The following NEIL3 variants were observed in gnomAD, a reference collection of about 807,000 sequenced individuals.
The protein encoded by NEIL3 is endonuclease 8-like 3.
Under a neutral mutation model 57.5 loss-of-function variants are expected in NEIL3, and 48 were observed. The observed-to-expected ratio is 0.83, with a 90% CI of 0.66 to 1.06. The LOEUF (loss-of-function observed/expected upper bound fraction) is 1.06, where lower values mean the gene tolerates loss of function less well. Ranked by LOEUF, NEIL3 falls within the 50% of genes least tolerant of loss-of-function variation. The pLI is 0.00. For missense variants in NEIL3, 717 were observed against 739.1 expected (o/e 0.97, Z 0.35); for synonymous variants, 261 against 253.2 (o/e 1.03, Z -0.29).
intron 8 of NEIL3, among the ~76,000 whole-genome samples, chr4:177,355,163 G>A (rs914094134): frequency 5.3e-5 from 8 of 152,098 alleles, no homozygotes; most frequent in African/African-American, 7.2e-5. Context: ...TCAGAAAGCA[G>A]CTGACTTACA....
chr4:177,363,285 A>G (rs1027016537), downstream of NEIL3, among the ~76,000 whole-genome samples: 1 of 152,232 alleles, frequency 6.6e-6, no homozygotes, highest in Non-Finnish European at 1.5e-5. Flanking sequence ...AAAGGACAGC[A>G]CAAAGGTGGC....
intron 1 of NEIL3, among the ~76,000 whole-genome samples, chr4:177,314,904 C>G (rs1560906402): frequency 6.8e-6 from 1 of 147,438 alleles, no homozygotes; most frequent in African/African-American, 2.6e-5. Context: ...AGTGAAACCC[C>G]GTATCTACTA....
At chr4:177,335,101 T>G (rs916006625) in intron 2 of NEIL3, among the ~76,000 whole-genome samples, 1 of 152,176 alleles carries the variant, frequency 6.6e-6, no homozygotes, top group African/African-American at 2.4e-5. Context: ...TCTTTTTTTT[T>G]GATACGTAAG....
chr4:177,329,901 C>T (rs989392538), intron 2 of NEIL3, among the ~76,000 whole-genome samples: 5 of 152,014 alleles, frequency 3.3e-5, no homozygotes, highest in African/African-American at 9.7e-5. Context: ...ATTGAGATAC[C>T]TAGAAAAATC....
chr4:177,335,112 A>AT lies in NEIL3; in HGVS notation c.279-572dup, dbSNP rs373874269. Among the ~76,000 whole-genome samples the AT allele has an allele frequency of 2.0e-3, 307 of 152,282 alleles. 1 individual carries two copies. Among genetic ancestry groups the AT allele is most frequent in the African/African-American group, 6.8e-3 (284 of 41,568 alleles). On this transcript the variant is annotated intron_variant, in intron 2 of 9. Transcript: ENST00000264596. ...TCTCTCTTTTTTTTTGATACGTAAG[A>AT]TTTTGCAAAAATAAAAAAAATTGTT...
At chr4:177,311,971 C>T (rs941204931) in intron 1 of NEIL3, among the ~76,000 whole-genome samples, 6 of 152,150 alleles carry the variant, frequency 3.9e-5, no homozygotes, top group African/African-American at 1.4e-4. Context: ...TTTATGCTAG[C>T]TCCTGCGGAT....
chr4:177,334,727 C>T (rs1271040535), intron 2 of NEIL3, among the ~76,000 whole-genome samples: 1 of 152,138 alleles, frequency 6.6e-6, no homozygotes, highest in Non-Finnish European at 1.5e-5. Flanking sequence ...GACTGGTTAA[C>T]CTTGTACAAT....
At chr4:177,370,133 T>C in the NEIL3 span, among the ~76,000 whole-genome samples, 6 of 152,180 alleles carry the variant, frequency 3.9e-5, no homozygotes, top group Admixed American at 3.9e-4. Flanking sequence ...GTGAGTATTA[T>C]GGTTCCAATG....
At chr4:177,351,593 G>T (rs764292747) in intron 7 of NEIL3, 44 bp downstream of exon 7, 1 of 1,462,024 alleles carries the variant, frequency 6.8e-7, no homozygotes, top group South Asian at 1.2e-5. Context: ...TTTCTAAGAG[G>T]GTTAATTATA....
intron 1 of NEIL3, among the ~76,000 whole-genome samples, chr4:177,319,797 TA>T: frequency 6.6e-6 from 1 of 152,194 alleles, no homozygotes; most frequent in South Asian, 2.1e-4. Flanking sequence ...TGTGTGTGTG[TA>T]AAATGGGATA....
chr4:177,324,024 T>A (rs1405181011), intron 2 of NEIL3, among the ~76,000 whole-genome samples: 1 of 152,180 alleles, frequency 6.6e-6, no homozygotes, highest in Non-Finnish European at 1.5e-5. Flanking sequence ...ATGTAACAAT[T>A]CAAGGTCAAT....
At chr4:177,359,316 C>T (rs1270289492) in intron 8 of NEIL3, among the ~76,000 whole-genome samples, 1 of 152,178 alleles carries the variant, frequency 6.6e-6, no homozygotes, top group Non-Finnish European at 1.5e-5. Context: ...AAAAACTGCC[C>T]TCAGAATGTT....
intron 2 of NEIL3, among the ~76,000 whole-genome samples, chr4:177,323,592 A>G (rs1208398858): frequency 6.6e-6 from 1 of 152,182 alleles, no homozygotes; most frequent in Non-Finnish European, 1.5e-5. Context: ...TCTGGAATTG[A>G]TAACATCAGC....
At chr4:177,350,861 T>G (rs749769855) in intron 6 of NEIL3, among the ~76,000 whole-genome samples, 1 of 152,038 alleles carries the variant, frequency 6.6e-6, no homozygotes, top group African/African-American at 2.4e-5. Context: ...TAACTTTTAT[T>G]TGATGTTTCT....
intron 1 of NEIL3, among the ~76,000 whole-genome samples, chr4:177,316,490 A>C (rs1734576988): frequency 6.6e-6 from 1 of 152,150 alleles, no homozygotes; most frequent in African/African-American, 2.4e-5. Flanking sequence ...GCAGGTAATT[A>C]GAAAATAAGA....
chr4:177,325,369 G>T (rs1734762901), intron 2 of NEIL3, among the ~76,000 whole-genome samples: 1 of 152,064 alleles, frequency 6.6e-6, no homozygotes, highest in African/African-American at 2.4e-5. Flanking sequence ...ACTGTTTGAA[G>T]TATCAGTGGT....
At chr4:177,327,608 T>G (rs1734807608) in intron 2 of NEIL3, among the ~76,000 whole-genome samples, 2 of 152,112 alleles carry the variant, frequency 1.3e-5, no homozygotes, top group South Asian at 4.1e-4. Flanking sequence ...TATATGCCTT[T>G]TATTTCTTTT....
intron 1 of NEIL3, among the ~76,000 whole-genome samples, chr4:177,319,989 A>C (rs1734648006): frequency 6.6e-6 from 1 of 152,190 alleles, no homozygotes; most frequent in African/African-American, 2.4e-5. Flanking sequence ...AATGTTAGTA[A>C]GAACTTAAAT....
intron 6 of NEIL3, among the ~76,000 whole-genome samples, chr4:177,345,053 G>A (rs1455415840): frequency 1.3e-5 from 2 of 152,130 alleles, no homozygotes; most frequent in African/African-American, 4.8e-5. Context: ...ATAGAACACA[G>A]CCTCTCAAAG....
Sources: allele counts gnomAD v4.1 joint callset (sites outside exome capture counted in the v4.1 genomes callset), GRCh38; gene constraint gnomAD v4.1.1; transcripts MANE v1.5; gene names NCBI Gene and HGNC (gene_info 2026-07-23, HGNC 2026-07-21).